The following SNUPN variants were observed in gnomAD, a reference collection of about 807,000 sequenced individuals.
SNUPN encodes snurportin-1.
SNUPN carries 31 observed loss-of-function variants against 39.2 expected under a neutral mutation model. The observed-to-expected ratio is 0.79, with a 90% CI of 0.59 to 1.07. The LOEUF is 1.07. Ranked by LOEUF, SNUPN falls within the 50% of genes least tolerant of loss-of-function variation. SNUPN has a pLI of 0.00. For synonymous variants in SNUPN, 132 were observed against 159.0 expected, an observed-to-expected ratio of 0.83 and a Z score of 1.28; for missense variants, 382 against 434.2, an observed-to-expected ratio of 0.88 and a Z score of 1.07.
intron 2 of SNUPN, among the ~76,000 whole-genome samples, chr15:75,618,077 C>T (rs1370177974): frequency 1.3e-5 from 2 of 152,166 alleles, no homozygotes; most frequent in Non-Finnish European, 2.9e-5. Context: ...CTCAGCCTTC[C>T]TCAGAGTTTC....
rs904720407 is a variant in SNUPN, at chr15:75,601,181, G to A, written c.716C>T (p.Pro239Leu). 3 of 1,613,690 alleles carry A rather than the reference G, an allele frequency of 1.9e-6. No homozygotes were observed. The African/African-American group carries it at 4.0e-5, about 22-fold the overall frequency. ...AGATAGCACATCACACAGGCTTTCG[G>A]GAGTGCAAGGGAAGTTCTTTAGCCC... The part of the protein sequence containing the change: ...FVGLKNFPCT[P>L]ESLCDVLSMD... The change falls in exon 8 of 9, where the codon CCC becomes CTC. Residue 239 changes from proline to leucine, a missense_variant. Pro to Leu is a moderately conservative substitution (Grantham distance 98). Coordinates refer to ENST00000308588, the MANE Select transcript of SNUPN (RefSeq NM_005701.4).
chr15:75,625,838 C>G (rs1045410578), upstream of SNUPN: 1 of 152,368 alleles, frequency 6.6e-6, no homozygotes. Flanking sequence ...CTGGGAGTTC[C>G]GTTGCCTACA....
At chr15:75,611,509 C>T (rs1892781041) in intron 3 of SNUPN, among the ~76,000 whole-genome samples, 1 of 151,676 alleles carries the variant, frequency 6.6e-6, no homozygotes, top group Non-Finnish European at 1.5e-5. Context: ...GCCTCGGCCC[C>T]CCAAAGTGCT....
intron 1 of SNUPN, chr15:75,622,303 G>A: frequency 1.0e-6 from 1 of 978,548 alleles, no homozygotes; most frequent in Non-Finnish European, 1.2e-6. Context: ...TTTTGGGTGG[G>A]CAGAAAGAAG....
chr15:75,622,279 T>C (rs1893092854), intron 1 of SNUPN: 4 of 790,924 alleles, frequency 5.1e-6, no homozygotes, highest in Non-Finnish European at 4.6e-6. Context: ...CCTCATATTC[T>C]AGTTGTGTTT....
chr15:75,623,817 G>T (rs1371499493), intron 1 of SNUPN, among the ~76,000 whole-genome samples: 1 of 152,002 alleles, frequency 6.6e-6, no homozygotes, highest in Non-Finnish European at 1.5e-5. Flanking sequence ...CTCATGATGA[G>T]TGCTTGGGAT....
chr15:75,606,596 ACTG>A (rs1249108712), intron 6 of SNUPN, among the ~76,000 whole-genome samples: 1 of 152,126 alleles, frequency 6.6e-6, no homozygotes, highest in Non-Finnish European at 1.5e-5. Flanking sequence ...TCACCTGATG[ACTG>A]CTGCTGTTAC....
At chr15:75,607,602 C>T (rs1309222249) in intron 5 of SNUPN, among the ~76,000 whole-genome samples, 4 of 152,162 alleles carry the variant, frequency 2.6e-5, no homozygotes, top group South Asian at 2.1e-4. Flanking sequence ...CTCACCTCAA[C>T]GAGGTTTAAA....
intron 2 of SNUPN, 79 bp downstream of exon 2, chr15:75,620,815 A>C: frequency 3.9e-6 from 5 of 1,279,662 alleles, no homozygotes; most frequent in Non-Finnish European, 4.4e-6. Context: ...GAGAGTCTGT[A>C]GAGACAAGCC....
At chr15:75,601,662 C>T (rs901502235) in intron 7 of SNUPN, among the ~76,000 whole-genome samples, 1 of 152,120 alleles carries the variant, frequency 6.6e-6, no homozygotes, top group Non-Finnish European at 1.5e-5. Flanking sequence ...GTAGAAGGAT[C>T]GCTTGAGCCT....
At chr15:75,624,236 T>G (rs928743806) in intron 1 of SNUPN, among the ~76,000 whole-genome samples, 1 of 150,500 alleles carries the variant, frequency 6.6e-6, no homozygotes, top group African/African-American at 2.4e-5. Context: ...CGATAAAAAT[T>G]TTTAAAAAGT....
rs866009470 is a variant in SNUPN, at chr15:75,621,043, C to T, written c.9G>A (p.Glu3=). ...AGCTACTAGCCAGGGCCTGACTCAA[C>T]TCTTCCATCTTCCCTACAAAGGAAA... ME[E]LSQALASSFS... is the part of the protein sequence containing the mutation. The change falls in exon 2 of 9, where the codon GAG becomes GAA. Residue 3 remains glutamate, a synonymous_variant. Coordinates refer to ENST00000308588, the MANE Select transcript of SNUPN (RefSeq NM_005701.4). The T allele has an allele frequency of 6.2e-7, 1 of 1,613,824 alleles. No individual in the cohort carries two copies. Among genetic ancestry groups the T allele is most frequent in the African/African-American group, 1.3e-5 (1 of 74,896 alleles).
At chr15:75,622,266 C>G in intron 1 of SNUPN, 1 of 679,716 alleles carries the variant, frequency 1.5e-6, no homozygotes, top group Non-Finnish European at 1.8e-6. Context: ...CTGATTGTTA[C>G]TTCCTCATAT....
At chr15:75,608,112 G>T (rs1892679077) in intron 5 of SNUPN, among the ~76,000 whole-genome samples, 1 of 152,152 alleles carries the variant, frequency 6.6e-6, no homozygotes, top group South Asian at 2.1e-4. Context: ...CAGGTGCAGT[G>T]GCTCACACCT....
chr15:75,622,415 T>C, intron 1 of SNUPN: 6 of 985,296 alleles, frequency 6.1e-6, no homozygotes, highest in Non-Finnish European at 7.2e-6. Context: ...AGAACTTCCA[T>C]AAAGTACATT....
Position 75,617,561 on chromosome 15 carries a change from A to T in SNUPN, c.159-9T>A, listed in dbSNP as rs750476604. The T allele has an allele frequency of 6.3e-6, 10 of 1,593,960 alleles. No homozygotes were observed. Among genetic ancestry groups the T allele is most frequent in the Admixed American group, 3.6e-5 (2 of 55,260 alleles). On this transcript the variant is annotated splice_polypyrimidine_tract_variant and intron_variant, in intron 2 of 8. Coordinates refer to ENST00000308588, the MANE Select transcript of SNUPN (RefSeq NM_005701.4). ...CATAATCCAGCCGCTTGCTGGAAGG[A>T]AAAAAAAGGCATAAGGACATATCTT...
At chr15:75,619,486 A>G (rs1262128474) in intron 2 of SNUPN, among the ~76,000 whole-genome samples, 1 of 151,926 alleles carries the variant, frequency 6.6e-6, no homozygotes, top group Non-Finnish European at 1.5e-5. Context: ...TACAAAATAT[A>G]AAAAAATTAG....
In SNUPN at chr15:75,609,996, T is replaced by C. The variant is rs1892737058; in HGVS notation, c.304-2A>G. The C allele has an allele frequency of 6.2e-7, 1 of 1,611,246 alleles. No homozygotes were observed. Among genetic ancestry groups the C allele is most frequent in the Non-Finnish European group, 8.5e-7 (1 of 1,177,690 alleles). ...AATTAACCACTCAGAAAGCATCAAC[T>C]GGAAATGCAAAAAATAGTGTTAAAG... On this transcript the variant is annotated splice_acceptor_variant, in intron 3 of 8. Coordinates refer to ENST00000308588, the MANE Select transcript of SNUPN (RefSeq NM_005701.4). LOFTEE classifies it high-confidence loss of function.
At chr15:75,608,130 C>CA (rs1381453288) in intron 5 of SNUPN, among the ~76,000 whole-genome samples, 1 of 152,126 alleles carries the variant, frequency 6.6e-6, no homozygotes, top group Non-Finnish European at 1.5e-5. Context: ...CCTATACTCC[C>CA]AGCACTTTGG....
Sources: gnomAD v4.1 joint callset for allele counts (sites outside exome capture counted in the v4.1 genomes callset) on GRCh38, gnomAD v4.1.1 for gene constraint, MANE v1.5 for transcripts, NCBI Gene and HGNC (gene_info 2026-07-23, HGNC 2026-07-21) for gene names.